LY75: variants seen among roughly 807,000 people sequenced by gnomAD.
LY75 encodes the protein C-type lectin domain family 13 member B.
LY75 carries 185 observed loss-of-function variants against 231.7 expected under a neutral mutation model. That is an observed-to-expected ratio of 0.80 (90% CI 0.71 to 0.90). The LOEUF is 0.90. Among genes scored for constraint, LY75 ranks in the 40% least tolerant of loss-of-function variants. The probability of loss-of-function intolerance (pLI) is 0.00; values close to 1 mark genes in which losing one functional copy is unlikely to be tolerated. For missense variants in LY75, 1,947 were observed against 2,050.2 expected (o/e 0.95, Z 0.97); for synonymous variants, 668 against 689.0 (o/e 0.97, Z 0.48).
intron 23 of LY75, among the ~76,000 whole-genome samples, chr2:159,849,539 A>T (rs369099086): frequency 6.6e-6 from 1 of 152,298 alleles, no homozygotes; most frequent in East Asian, 1.9e-4. Context: ...TGATGGTTTT[A>T]TATGGTTATG....
chr2:159,821,222 A>G (rs2125834117), intron 28 of LY75, among the ~76,000 whole-genome samples: 1 of 152,256 alleles, frequency 6.6e-6, no homozygotes, highest in Middle Eastern at 3.4e-3. Flanking sequence ...ATGTAAAAAA[A>G]AAAAAAAAAT....
chr2:159,824,940 T>C (rs1035659529), intron 28 of LY75, among the ~76,000 whole-genome samples: 3 of 152,188 alleles, frequency 2.0e-5, no homozygotes, highest in African/African-American at 7.2e-5. Flanking sequence ...TCAGAATCTT[T>C]GGGACACATT....
In LY75 at chr2:159,864,927, A is replaced by T; in HGVS notation, c.2118-7T>A. On this transcript the variant is annotated splice_polypyrimidine_tract_variant and splice_region_variant and intron_variant, in intron 13 of 34. Transcript: ENST00000263636. ...CCACAGCCAATGCTGGCCACTATGT[A>T]AAAAGCAAGTGTTAAAAATACAGGA... is the stretch of plus-strand genomic sequence containing the variant. 1 of 1,594,948 alleles carries T rather than the reference A, an allele frequency of 6.3e-7. No individual in the cohort carries two copies. The highest frequency in any genetic ancestry group is 8.5e-7 in the Non-Finnish European group (1 of 1,172,410).
intron 2 of LY75, among the ~76,000 whole-genome samples, chr2:159,897,446 C>T (rs1685937803): frequency 6.7e-6 from 1 of 148,354 alleles, no homozygotes; most frequent in Non-Finnish European, 1.5e-5. Context: ...AGACTGTCAA[C>T]TATTCAAAGG....
chr2:159,874,135 C>CGTATATATATTTTGTAAATATATATGAA, intron 12 of LY75, among the ~76,000 whole-genome samples: 1 of 92,086 alleles, frequency 1.1e-5, no homozygotes, highest in East Asian at 3.7e-4. Flanking sequence ...AATATATAAA[C>CGTATATATATTTTGTAAATATATATGAA]GTATATATAT....
chr2:159,815,337 C>T lies in LY75; in HGVS notation c.4549+68G>A, dbSNP rs1574522731. 1.5e-5 allele frequency: 22 copies of T among 1,503,096 alleles called. No homozygotes were observed. The East Asian group carries it at 4.9e-4, about 33-fold the overall frequency. 93.1% of individuals were successfully genotyped at this position (1,503,096 alleles called of 1,614,324 possible). On this transcript the variant is annotated intron_variant, in intron 31 of 34. Transcript: ENST00000263636. ...ATCTTTAAATAAAAATTCCACTGAGCTTTTAATTATGTGCATAAATTATGT... is the reference window on the plus strand; with the variant it reads ...ATCTTTAAATAAAAATTCCACTGAGTTTTTAATTATGTGCATAAATTATGT...
chr2:159,877,487 T>C (rs1685311439), intron 11 of LY75, among the ~76,000 whole-genome samples: 3 of 152,224 alleles, frequency 2.0e-5, no homozygotes, highest in Admixed American at 2.0e-4. Context: ...AAAGTATTTC[T>C]GAGGTCCTTT....
At chr2:159,847,172 C>T (rs1032482359) in intron 23 of LY75, among the ~76,000 whole-genome samples, 1 of 152,034 alleles carries the variant, frequency 6.6e-6, no homozygotes, top group Non-Finnish European at 1.5e-5. Context: ...CTGCCATGCC[C>T]GGTTAATTTT....
At chr2:159,810,184 C>T (rs932952229) in intron 32 of LY75, among the ~76,000 whole-genome samples, 17 of 152,080 alleles carry the variant, frequency 1.1e-4, no homozygotes, top group South Asian at 6.2e-4. Context: ...CAGGTGTGTG[C>T]GACCACACCC....
intron 34 of LY75, among the ~76,000 whole-genome samples, chr2:159,805,754 A>G (rs990163447): frequency 2.6e-5 from 4 of 152,140 alleles, no homozygotes; most frequent in Non-Finnish European, 4.4e-5. Flanking sequence ...TACCATTGCT[A>G]TGCACACTAC....
intron 29 of LY75, 21 bp downstream of exon 29, chr2:159,819,705 T>C: frequency 1.3e-6 from 2 of 1,578,700 alleles, no homozygotes; most frequent in Non-Finnish European, 1.7e-6. Context: ...GAAAGAAAAC[T>C]CTATATTTTA....
At chr2:159,831,166 G>T (rs1379603843) in intron 28 of LY75, among the ~76,000 whole-genome samples, 1 of 152,156 alleles carries the variant, frequency 6.6e-6, no homozygotes, top group African/African-American at 2.4e-5. Context: ...TGGAGGAGGG[G>T]CCTGGTGGGA....
At chr2:159,875,715 CTT>C in intron 11 of LY75, 72 bp from the exon 12 acceptor site, 2 of 1,559,320 alleles carry the variant, frequency 1.3e-6, no homozygotes, top group East Asian at 2.2e-5. Context: ...TGTTTCTACT[CTT>C]TACTTCAGCC....
chr2:159,877,868 CAAAACA>C (rs918936297), intron 11 of LY75, among the ~76,000 whole-genome samples: 4 of 151,624 alleles, frequency 2.6e-5, no homozygotes, highest in African/African-American at 7.2e-5. Flanking sequence ...GACCCCATCT[CAAAACA>C]AAAACAAAAA....
In LY75 at chr2:159,805,051, T is replaced by C. The variant is rs1274208348; in HGVS notation, c.5162A>G (p.His1721Arg). ...GAAAACTTTTAGAAGAATTTAGTCA[T>C]GGAAAGAAGGAAGCATAATCTCATC... Reference protein sequence around the residue: ...NEDEIMLPSFHD With the variant: ...NEDEIMLPSFRD The change falls in exon 35 of 35, where the codon CAT becomes CGT. Residue 1721 changes from histidine to arginine, a missense_variant. His to Arg is a conservative substitution (Grantham distance 29). Coordinates refer to ENST00000263636, the MANE Select transcript of LY75 (RefSeq NM_002349.4). 3 of 1,612,816 alleles carry C rather than the reference T, an allele frequency of 1.9e-6. No homozygotes were observed. The highest frequency in any genetic ancestry group is 2.7e-5 in the African/African-American group (2 of 74,874).
intron 16 of LY75, among the ~76,000 whole-genome samples, chr2:159,855,377 CTGTAAACT>C (rs1369064722): frequency 6.6e-6 from 1 of 152,148 alleles, no homozygotes; most frequent in Non-Finnish European, 1.5e-5. Context: ...GTTAACTGTT[CTGTAAACT>C]TAGGTTGATA....
At position 159,810,477 on chromosome 2, in the gene LY75, A is replaced by G. The variant is rs769276055; in HGVS notation, c.4699+49T>C. 6.3e-6 allele frequency: 10 copies of G among 1,584,824 alleles called. No individual in the cohort carries two copies. The East Asian group carries it at 2.2e-4, about 35-fold the overall frequency. On this transcript the variant is annotated intron_variant, in intron 32 of 34. Coordinates refer to ENST00000263636, the MANE Select transcript of LY75 (RefSeq NM_002349.4). ...GCTTCAAATTATATCCTTAAGAAACATTTCTAAAAATTATTGAGTCATAAG... is the reference window on the plus strand; with the variant it reads ...GCTTCAAATTATATCCTTAAGAAACGTTTCTAAAAATTATTGAGTCATAAG...
chr2:159,873,068 A>G lies in LY75; in HGVS notation c.1975-475T>C, dbSNP rs370843719. ...GAGCAGTCTGCACTGGTGTGTGAAT[A>G]TTGACAGAAAGTGGCAAAAGTAAAC... On this transcript the variant is annotated intron_variant, in intron 12 of 34. Transcript: ENST00000263636. Among the ~76,000 whole-genome samples, 43 of 152,262 alleles carry G rather than the reference A, an allele frequency of 2.8e-4. No individual in the cohort carries two copies. The East Asian group carries it at 3.7e-3, about 13-fold the overall frequency.
In LY75 at chr2:159,858,523, C is replaced by T. The variant is rs187129269; in HGVS notation, c.2269-47G>A. On this transcript the variant is annotated intron_variant, in intron 15 of 34. Transcript: ENST00000263636. The stretch of plus-strand genomic sequence containing the variant: ...AGAATATTTTGAAGTTGATACATCC[C>T]TTATGGAACACTAAACTGTAAGCCC... 1.0e-3 allele frequency: 1,605 copies of T among 1,566,866 alleles called. 4 individuals are homozygous for T. Among genetic ancestry groups the T allele is most frequent in the Non-Finnish European group, 7.7e-4 (893 of 1,160,638 alleles).
Sources: allele counts gnomAD v4.1 joint callset (sites outside exome capture counted in the v4.1 genomes callset), GRCh38; gene constraint gnomAD v4.1.1; transcripts MANE v1.5; gene names NCBI Gene and HGNC (gene_info 2026-07-23, HGNC 2026-07-21).